KLHL13: variants seen among roughly 807,000 people sequenced by gnomAD.
KLHL13 encodes kelch like family member 13, also known as kelch-like protein 13.
In KLHL13, 10 loss-of-function variants were observed where a neutral mutation model predicts 37.1. The observed-to-expected ratio is 0.27, with a 90% CI of 0.17 to 0.46. The LOEUF is 0.46. Ranked by LOEUF, KLHL13 falls within the 20% of genes least tolerant of loss-of-function variation. The pLI is 1.00. For missense variants in KLHL13, 360 were observed against 509.3 expected, an observed-to-expected ratio of 0.71 and a Z score of 2.82; for synonymous variants, 163 against 181.2, an observed-to-expected ratio of 0.90 and a Z score of 0.81.
At chrX:118,087,675 A>C (rs1490821309) in intron 1 of KLHL13, among the ~76,000 whole-genome samples, 2 of 111,731 alleles carry the variant, frequency 1.8e-5, no homozygotes, top group African/African-American at 6.5e-5. Flanking sequence ...TTACATTTCA[A>C]AAAACTTTAT....
At chrX:118,034,579 T>A (rs1602671555) in intron 1 of KLHL13, among the ~76,000 whole-genome samples, 1 of 73,676 alleles carries the variant, frequency 1.4e-5, no homozygotes, top group South Asian at 8.0e-4. Context: ...ATCTCTGGGA[T>A]GCATTCAAAG....
At chrX:118,076,247 G>T (rs756875088) in intron 1 of KLHL13, among the ~76,000 whole-genome samples, 40 of 111,470 alleles carry the variant, frequency 3.6e-4, no homozygotes, top group Non-Finnish European at 6.6e-4. Flanking sequence ...CAGGATTGAG[G>T]TTTATTTTGA....
chrX:118,008,380 C>T lies in KLHL13; in HGVS notation c.-55-62805G>A, dbSNP rs139464484. Among the ~76,000 whole-genome samples the T allele has an allele frequency of 3.6e-3, 408 of 112,092 alleles. 3 individuals carry two copies. The highest frequency in any genetic ancestry group is 0.011 in the African/African-American group (340 of 30,915). On this transcript the variant is annotated intron_variant, in intron 1 of 6. Coordinates refer to the KLHL13 transcript ENST00000371882. ...GCACACCCAAAATAAGCAGAACTAG[C>T]TTGGCCTTAGGGTAAACGCCATAGG...
chrX:117,924,366 C>T (rs1433986240), intron 2 of KLHL13, among the ~76,000 whole-genome samples: 1 of 111,774 alleles, frequency 8.9e-6, no homozygotes, highest in Admixed American at 9.5e-5. Flanking sequence ...TCATTATCTT[C>T]CAAAATTCTC....
rs35159114 is a variant in KLHL13, at chrX:118,070,889, A to G, written c.-56+45619T>C. On this transcript the variant is annotated intron_variant, in intron 1 of 6. Transcript: ENST00000371882. ...TCATCTAGCATTAGGTATATCCCCC[A>G]ATGCTATCCCTCCCCCCTTCCCCCA... Among the ~76,000 whole-genome samples, 762 of 108,120 alleles carry G rather than the reference A, an allele frequency of 7.0e-3. 11 individuals are homozygous for G. The highest frequency in any genetic ancestry group is 0.024 in the African/African-American group (719 of 29,608). 93.9% of individuals were successfully genotyped at this position (108,120 alleles called of 115,157 possible).
intron 1 of KLHL13, among the ~76,000 whole-genome samples, chrX:118,039,476 T>C (rs772691542): frequency 1.3e-4 from 15 of 111,544 alleles, no homozygotes; most frequent in African/African-American, 4.2e-4. Flanking sequence ...GGGGTAAGGA[T>C]GGCCAAAAGG....
chrX:118,110,245 G>C (rs1184908171), intron 1 of KLHL13, among the ~76,000 whole-genome samples: 1 of 110,852 alleles, frequency 9.0e-6, no homozygotes, highest in East Asian at 2.8e-4. Context: ...CAAGTTTACA[G>C]AGGAAAATAA....
At chrX:118,095,604 C>A (rs2055195699) in intron 1 of KLHL13, among the ~76,000 whole-genome samples, 1 of 111,653 alleles carries the variant, frequency 9.0e-6, no homozygotes, top group African/African-American at 3.3e-5. Flanking sequence ...TTCAGCACCA[C>A]ACCACACCTA....
At chrX:117,913,947 T>G (rs1470096963) in intron 4 of KLHL13, among the ~76,000 whole-genome samples, 1 of 111,178 alleles carries the variant, frequency 9.0e-6, no homozygotes, top group Admixed American at 9.6e-5. Context: ...TCATTTACAT[T>G]TCTTTGATAT....
intron 1 of KLHL13, among the ~76,000 whole-genome samples, chrX:117,968,148 C>T (rs1017014923): frequency 9.5e-6 from 1 of 104,713 alleles, no homozygotes; most frequent in African/African-American, 3.4e-5. Context: ...GACGCCTAAG[C>T]GTGTATGTAA....
At chrX:117,981,949 G>C (rs2053666470) in intron 1 of KLHL13, among the ~76,000 whole-genome samples, 1 of 111,000 alleles carries the variant, frequency 9.0e-6, no homozygotes, top group Non-Finnish European at 1.9e-5. Flanking sequence ...GACAGTGTAA[G>C]ATTGTCTCCT....
At chrX:118,023,254 G>T (rs1238084559) in intron 1 of KLHL13, among the ~76,000 whole-genome samples, 1 of 111,087 alleles carries the variant, frequency 9.0e-6, no homozygotes, top group Non-Finnish European at 1.9e-5. Context: ...TTTTATTGCT[G>T]CTTAAGGAAC....
chrX:118,084,319 A>C (rs1316415796), intron 1 of KLHL13, among the ~76,000 whole-genome samples: 1 of 111,890 alleles, frequency 8.9e-6, no homozygotes, highest in East Asian at 2.8e-4. Context: ...CCCTGTCTCA[A>C]AAAAGAAAGT....
intron 1 of KLHL13, among the ~76,000 whole-genome samples, chrX:118,034,156 T>C (rs10156972): frequency 0.12 from 11,614 of 93,728 alleles, 2,041 homozygotes; most frequent in African/African-American, 0.43. Context: ...ACTTTAACAC[T>C]CCACTGTCAA....
At chrX:118,028,617 C>A in intron 1 of KLHL13, 120 bp from the exon 2 acceptor site, 1 of 339,837 alleles carries the variant, frequency 2.9e-6, no homozygotes. Flanking sequence ...ATGTATGCCC[C>A]TGTACTTAAT....
intron 1 of KLHL13, among the ~76,000 whole-genome samples, chrX:118,068,538 G>C (rs191134847): frequency 9.0e-6 from 1 of 110,521 alleles, no homozygotes; most frequent in East Asian, 2.9e-4. Context: ...GTAGGCAAGA[G>C]GATCCCAGCA....
At chrX:117,902,165 T>C (rs781698547) in intron 5 of KLHL13, among the ~76,000 whole-genome samples, 16 of 111,135 alleles carry the variant, frequency 1.4e-4, no homozygotes, top group Non-Finnish European at 2.3e-4. Context: ...GACTAGATAG[T>C]GTAAGAATCT....
intron 1 of KLHL13, among the ~76,000 whole-genome samples, chrX:118,000,309 C>T (rs968691427): frequency 3.6e-5 from 4 of 112,044 alleles, no homozygotes; most frequent in Non-Finnish European, 5.6e-5. Flanking sequence ...AACCTTCTCT[C>T]CTGCCCCAGC....
chrX:117,921,428 T>TA (rs1236929690), intron 2 of KLHL13, among the ~76,000 whole-genome samples: 1 of 111,592 alleles, frequency 9.0e-6, no homozygotes, highest in Non-Finnish European at 1.9e-5. Flanking sequence ...AACAGGCTAC[T>TA]AAAGTACACC....
Sources: allele counts gnomAD v4.1 joint callset (sites outside exome capture counted in the v4.1 genomes callset), GRCh38; gene constraint gnomAD v4.1.1; transcripts MANE v1.5; gene names NCBI Gene and HGNC (gene_info 2026-07-23, HGNC 2026-07-21).